Variants in NUBPL observed in about 807,000 individuals in gnomAD.
NUBPL encodes iron-sulfur cluster transfer protein NUBPL.
A neutral mutation model predicts 45.7 loss-of-function variants in NUBPL; 31 were observed. That is an observed-to-expected ratio of 0.68 (90% confidence interval 0.51 to 0.92). The LOEUF is 0.92. NUBPL is among the 40% of genes least tolerant of loss of function. The probability of loss-of-function intolerance (pLI) is 0.00; values close to 1 mark genes in which losing one functional copy is unlikely to be tolerated. For missense variants in NUBPL, 401 were observed against 398.7 expected (o/e 1.01, Z -0.05); for synonymous variants, 144 against 140.9 (o/e 1.02, Z -0.15).
intron 4 of NUBPL, among the ~76,000 whole-genome samples, chr14:31,669,809 GT>G (rs35705230): frequency 3.9e-5 from 2 of 51,530 alleles, no homozygotes; most frequent in Admixed American, 2.9e-4. Flanking sequence ...TTTTTTTTTT[GT>G]TTTTTTTTTT....
chr14:31,695,618 G>A (rs35427690), intron 6 of NUBPL, among the ~76,000 whole-genome samples: 45,296 of 152,026 alleles, frequency 0.3, 7,544 homozygotes, highest in South Asian at 0.41. Flanking sequence ...GTGTATTGTT[G>A]TATAGTGAGC....
intron 7 of NUBPL, 104 bp downstream of exon 7, chr14:31,787,977 A>G: frequency 1.4e-6 from 1 of 725,410 alleles, no homozygotes; most frequent in Non-Finnish European, 2.4e-6. Flanking sequence ...CCTTAAAAAT[A>G]TTCATTCACT....
At chr14:31,706,798 C>T (rs1025260974) in intron 6 of NUBPL, among the ~76,000 whole-genome samples, 2 of 152,212 alleles carry the variant, frequency 1.3e-5, no homozygotes, top group Admixed American at 1.3e-4. Flanking sequence ...TAGGATAATA[C>T]ATGTTACACT....
chr14:31,638,631 G>A (rs1008076274), intron 4 of NUBPL, among the ~76,000 whole-genome samples: 5 of 152,056 alleles, frequency 3.3e-5, no homozygotes, highest in African/African-American at 1.2e-4. Flanking sequence ...TGTGAATGTT[G>A]GCCTGCCTTG....
In NUBPL at chr14:31,850,145, AGGGAAGC is replaced by A; in HGVS notation, c.842_848del (p.Arg281IlefsTer22). ...AGACATTCCCTTACACCTTAATATA[AGGGAAGC>A]TTCAGATACAGGCCAGCCAATTGTG... On this transcript the variant is annotated frameshift_variant, in exon 10 of 11. Coordinates refer to ENST00000281081, the MANE Select transcript of NUBPL (RefSeq NM_025152.3). LOFTEE classifies it high-confidence loss of function. 2.5e-6 allele frequency: 4 copies of A among 1,613,902 alleles called. No homozygotes were observed. The South Asian group carries it at 4.4e-5, about 18-fold the overall frequency.
intron 6 of NUBPL, among the ~76,000 whole-genome samples, chr14:31,744,290 A>G (rs946994385): frequency 2.6e-5 from 4 of 152,220 alleles, no homozygotes; most frequent in Admixed American, 1.3e-4. Flanking sequence ...TACATTTTGT[A>G]TTTAAACAGG....
At chr14:31,809,700 C>T (rs1287102628) in intron 7 of NUBPL, among the ~76,000 whole-genome samples, 15 of 152,132 alleles carry the variant, frequency 9.9e-5, no homozygotes, top group Admixed American at 7.9e-4. Context: ...TTCTTTTAAT[C>T]GTGATGTTAG....
chr14:31,799,994 T>G (rs1373119332), intron 7 of NUBPL, among the ~76,000 whole-genome samples: 1 of 152,234 alleles, frequency 6.6e-6, no homozygotes, highest in Non-Finnish European at 1.5e-5. Context: ...ATATTCTAAA[T>G]CCTTTGTTGT....
intron 7 of NUBPL, among the ~76,000 whole-genome samples, chr14:31,798,234 A>G (rs1223597528): frequency 6.6e-6 from 1 of 151,412 alleles, no homozygotes; most frequent in African/African-American, 2.4e-5. Flanking sequence ...GCATTTTTCA[A>G]GGAAACGTGC....
chr14:31,675,724 G>A (rs2036678428), intron 6 of NUBPL, among the ~76,000 whole-genome samples: 1 of 152,182 alleles, frequency 6.6e-6, no homozygotes, highest in African/African-American at 2.4e-5. Flanking sequence ...TGAACTAGAA[G>A]TCTGGTTTAA....
intron 7 of NUBPL, among the ~76,000 whole-genome samples, chr14:31,812,784 C>T (rs2039834633): frequency 6.6e-6 from 1 of 152,084 alleles, no homozygotes; most frequent in Non-Finnish European, 1.5e-5. Context: ...TTTATCTTAA[C>T]TTTACTGGAG....
chr14:31,598,891 G>A (rs978452257), intron 3 of NUBPL, among the ~76,000 whole-genome samples: 1 of 151,992 alleles, frequency 6.6e-6, no homozygotes, highest in Non-Finnish European at 1.5e-5. Flanking sequence ...AGTTAATGTT[G>A]TGTCTTTCTG....
rs368551115 is a variant in NUBPL at position 31,637,454 on chromosome 14, C to T, written c.383-35901C>T. On this transcript the variant is annotated intron_variant, in intron 4 of 10. Coordinates refer to ENST00000281081, the MANE Select transcript of NUBPL (RefSeq NM_025152.3). ...TTTGATTGCACTGTGGTCTGAGAGA[C>T]AGTTTGTTATAATTTCTGTTCTTTT... Among the ~76,000 whole-genome samples the T allele has an allele frequency of 3.9e-5, 6 of 152,238 alleles. No homozygotes were observed. In the East Asian group the frequency reaches 7.7e-4, roughly 20 times the overall value.
At chr14:31,567,263 T>C (rs978671353) in intron 3 of NUBPL, among the ~76,000 whole-genome samples, 6 of 152,236 alleles carry the variant, frequency 3.9e-5, no homozygotes, top group Admixed American at 2.0e-4. Context: ...AGGTTTTCTT[T>C]ATGTCTTTTA....
At chr14:31,792,100 T>C (rs377348415) in intron 7 of NUBPL, among the ~76,000 whole-genome samples, 5 of 152,210 alleles carry the variant, frequency 3.3e-5, no homozygotes, top group South Asian at 4.1e-4. Context: ...GTTTAAAGCT[T>C]ATGCTGTTGA....
chr14:31,826,807 C>G, intron 8 of NUBPL, 93 bp downstream of exon 8: 1 of 1,231,884 alleles, frequency 8.1e-7, no homozygotes. Flanking sequence ...TTAATTTAGT[C>G]CTGTACAGAA....
At chr14:31,734,655 T>C (rs2038125948) in intron 6 of NUBPL, among the ~76,000 whole-genome samples, 4 of 152,188 alleles carry the variant, frequency 2.6e-5, no homozygotes, top group Admixed American at 2.6e-4. Context: ...TTGTGCTTTT[T>C]AGTTGAATTT....
intron 4 of NUBPL, among the ~76,000 whole-genome samples, chr14:31,621,370 G>T (rs1230346452): frequency 6.6e-6 from 1 of 152,156 alleles, no homozygotes; most frequent in Non-Finnish European, 1.5e-5. Context: ...GTCTGCCTAA[G>T]TGGCCTCCCA....
chr14:31,812,276 G>A (rs746215713), intron 7 of NUBPL, among the ~76,000 whole-genome samples: 2 of 152,198 alleles, frequency 1.3e-5, no homozygotes, highest in South Asian at 2.1e-4. Flanking sequence ...TTTGGGCCTC[G>A]TTGAGCTGTG....
Sources: gnomAD v4.1 joint callset for allele counts (sites outside exome capture counted in the v4.1 genomes callset) on GRCh38, gnomAD v4.1.1 for gene constraint, MANE v1.5 for transcripts, NCBI Gene and HGNC (gene_info 2026-07-23, HGNC 2026-07-21) for gene names.